The following VPS37A variants were observed in gnomAD, a reference collection of about 807,000 sequenced individuals.
VPS37A encodes vacuolar protein sorting-associated protein 37A.
VPS37A carries 30 observed loss-of-function variants against 49.8 expected under a neutral mutation model. The ratio of observed to expected loss-of-function variants is 0.60; its 90% confidence interval spans 0.45 to 0.82. The LOEUF (loss-of-function observed/expected upper bound fraction) is 0.82, where lower values mean the gene tolerates loss of function less well. Among genes scored for constraint, VPS37A ranks in the 40% least tolerant of loss-of-function variants. VPS37A has a pLI of 0.00. For synonymous variants in VPS37A, 195 were observed against 160.6 expected, an observed-to-expected ratio of 1.21 and a Z score of -1.62; for missense variants, 593 against 464.4, an observed-to-expected ratio of 1.28 and a Z score of -2.55.
chr8:17,311,781 C>A, the VPS37A span: 1 of 1,288,730 alleles, frequency 7.8e-7, no homozygotes, highest in South Asian at 1.4e-5. Flanking sequence ...AGGGCCCCCC[C>A]TAATTAGGGC....
chr8:17,274,893 G>C lies in VPS37A; in HGVS notation c.577G>C (p.Ala193Pro). 1 of 1,614,056 alleles carries C rather than the reference G, an allele frequency of 6.2e-7. No homozygotes were observed. Among genetic ancestry groups the C allele is most frequent in the Non-Finnish European group, 8.5e-7 (1 of 1,180,014 alleles). Reference sequence around the variant, plus strand: ...AAGTCATACCACAGCCAAGCCTGCCGCTCCTTCATTTGGTGTCCTTTCAAA... The same window carrying C: ...AAGTCATACCACAGCCAAGCCTGCCCCTCCTTCATTTGGTGTCCTTTCAAA... Reference protein sequence around the residue: ...TTSHTTAKPAAPSFGVLSNLP... With the variant: ...TTSHTTAKPAPPSFGVLSNLP... Residue 193 changes from alanine (A) to proline (P), a missense_variant, in exon 5 of 12, where the codon GCT becomes CCT. By Grantham distance (27) the Ala-to-Pro change is conservative (BLOSUM62 -1). Coordinates refer to ENST00000324849, the MANE Select transcript of VPS37A (RefSeq NM_152415.3).
the VPS37A span, chr8:17,311,972 A>G: frequency 9.9e-6 from 2 of 202,058 alleles, no homozygotes; most frequent in Non-Finnish European, 1.0e-5. Flanking sequence ...CCTTACTGAA[A>G]TTCTGGAGTT....
chr8:17,251,590 G>T (rs1811982869), intron 1 of VPS37A, among the ~76,000 whole-genome samples: 3 of 152,154 alleles, frequency 2.0e-5, no homozygotes, highest in African/African-American at 7.2e-5. Flanking sequence ...GTCTCTGGCA[G>T]AACTACTTCT....
downstream of VPS37A, chr8:17,299,805 C>CTTGTT: frequency 6.3e-7 from 1 of 1,589,260 alleles, no homozygotes. Context: ...ACCTTGTTCC[C>CTTGTT]TTGTTTTTGG....
chr8:17,269,710 C>T (rs1029855219), intron 4 of VPS37A, among the ~76,000 whole-genome samples: 18 of 152,134 alleles, frequency 1.2e-4, no homozygotes, highest in Admixed American at 1.2e-3. Flanking sequence ...TTTCCCTTTG[C>T]CACTTTCTTG....
chr8:17,313,900 A>G, the VPS37A span, among the ~76,000 whole-genome samples: 18 of 152,210 alleles, frequency 1.2e-4, no homozygotes, highest in Non-Finnish European at 1.6e-4. Context: ...AAAATGATCA[A>G]ACTCCTCTTG....
chr8:17,302,702 A>AT (rs1460018324), downstream of VPS37A, among the ~76,000 whole-genome samples: 1 of 21,780 alleles, frequency 4.6e-5, no homozygotes, highest in African/African-American at 8.3e-5. Context: ...CATTGGCAAT[A>AT]ACCCCCCCCC....
At chr8:17,255,946 T>C (rs1296939074) in intron 1 of VPS37A, among the ~76,000 whole-genome samples, 6 of 152,370 alleles carry the variant, frequency 3.9e-5, no homozygotes, top group Non-Finnish European at 7.3e-5. Flanking sequence ...TGTTGATGTG[T>C]ACTTAAATTT....
rs151074719 is a variant in VPS37A at position 17,297,352 on chromosome 8, A to AAGTT, written c.*2367_*2368insGTTA. On this transcript the variant is annotated 3_prime_UTR_variant, in exon 12 of 12. Coordinates refer to ENST00000324849, the MANE Select transcript of VPS37A (RefSeq NM_152415.3). ...TTTCTAGGCATAAATTGAGACTAGG[A>AAGTT]AATTTATATCAGAATAGAGGGTGCT... The AAGTT allele has an allele frequency of 2.0e-5, 3 of 152,090 alleles. No homozygotes were observed. The highest frequency in any genetic ancestry group is 2.0e-4 in the Admixed American group (3 of 15,274). 9.4% of individuals were successfully genotyped at this position (152,090 alleles called of 1,614,324 possible). A position where few individuals can be genotyped will look rare whatever the true frequency, so the allele number is the denominator to read the frequency against.
At chr8:17,301,351 C>T (rs1239898509), downstream of VPS37A, among the ~76,000 whole-genome samples, 2 of 152,162 alleles carry the variant, frequency 1.3e-5, no homozygotes. Flanking sequence ...AACATTTTAA[C>T]AGGACTGTGA....
the VPS37A span, among the ~76,000 whole-genome samples, chr8:17,325,216 G>A: frequency 1.3e-5 from 2 of 151,978 alleles, no homozygotes; most frequent in African/African-American, 2.4e-5. Context: ...CCTTTAGACT[G>A]CCTCCAAGGC....
At chr8:17,266,102 A>G (rs1002628521) in intron 2 of VPS37A, 121 bp downstream of exon 2, 41 of 807,336 alleles carry the variant, frequency 5.1e-5, no homozygotes, top group Non-Finnish European at 1.9e-5. Context: ...AATTTATAAA[A>G]TAGTGCACAA....
chr8:17,288,292 T>C (rs1354014509), intron 11 of VPS37A, among the ~76,000 whole-genome samples: 2 of 152,192 alleles, frequency 1.3e-5, no homozygotes, highest in Non-Finnish European at 2.9e-5. Flanking sequence ...TACATAGGTA[T>C]ACATGTGCCA....
intron 9 of VPS37A, among the ~76,000 whole-genome samples, chr8:17,283,030 C>A (rs2150408270): frequency 6.6e-6 from 1 of 152,220 alleles, no homozygotes; most frequent in African/African-American, 2.4e-5. Flanking sequence ...TTTTAAAAAG[C>A]CAAATAAAAC....
chr8:17,302,892 G>C (rs1028775200), downstream of VPS37A, among the ~76,000 whole-genome samples: 1 of 151,448 alleles, frequency 6.6e-6, no homozygotes, highest in African/African-American at 2.4e-5. Flanking sequence ...ATTTTTTTTA[G>C]TAGAGACAGG....
chr8:17,253,635 T>C (rs1366916401), intron 1 of VPS37A, among the ~76,000 whole-genome samples: 6 of 152,232 alleles, frequency 3.9e-5, no homozygotes, highest in Admixed American at 3.9e-4. Flanking sequence ...CTTTTCTGAG[T>C]ATTAACTCTT....
At chr8:17,301,713 A>T (rs1405106586), downstream of VPS37A, 7 of 166,844 alleles carry the variant, frequency 4.2e-5, no homozygotes, top group Non-Finnish European at 2.6e-5. Context: ...AAGTTCATAG[A>T]AGCCAAAAGA....
intron 4 of VPS37A, among the ~76,000 whole-genome samples, chr8:17,272,811 A>C (rs1814120997): frequency 1.3e-5 from 2 of 151,282 alleles, no homozygotes; most frequent in African/African-American, 4.9e-5. Flanking sequence ...ACCTGGCTCA[A>C]AATTCAAAAA....
chr8:17,270,548 G>A (rs974129772), intron 4 of VPS37A, among the ~76,000 whole-genome samples: 1 of 152,068 alleles, frequency 6.6e-6, no homozygotes, highest in South Asian at 2.1e-4. Flanking sequence ...ATCTTTTTTG[G>A]TTTAGTCCTG....
Sources: allele counts gnomAD v4.1 joint callset (sites outside exome capture counted in the v4.1 genomes callset), GRCh38; gene constraint gnomAD v4.1.1; transcripts MANE v1.5; gene names NCBI Gene and HGNC (gene_info 2026-07-23, HGNC 2026-07-21).